CDH4: variants seen among roughly 807,000 people sequenced by gnomAD.
The protein encoded by CDH4 is cadherin-4.
CDH4 carries 33 observed loss-of-function variants against 86.0 expected under a neutral mutation model. The observed-to-expected ratio is 0.38, with a 90% CI of 0.29 to 0.51. The LOEUF (loss-of-function observed/expected upper bound fraction) is 0.51, where lower values mean the gene tolerates loss of function less well. CDH4 is among the 20% of genes least tolerant of loss of function. The pLI is 0.86. For missense variants in CDH4, 1,114 were observed against 1,307.4 expected (o/e 0.85, Z 2.28); for synonymous variants, 555 against 549.4 (o/e 1.01, Z -0.14).
chr20:61,437,987 C>G (rs1484355019), intron 2 of CDH4, among the ~76,000 whole-genome samples: 1 of 152,204 alleles, frequency 6.6e-6, no homozygotes, highest in Non-Finnish European at 1.5e-5. Context: ...TCAGCTCCAC[C>G]ACTTCAGCAG....
At chr20:61,374,996 G>A (rs1241963256) in intron 2 of CDH4, among the ~76,000 whole-genome samples, 5 of 152,112 alleles carry the variant, frequency 3.3e-5, no homozygotes, top group Non-Finnish European at 7.3e-5. Context: ...CTATAACCCG[G>A]AAGCACTTGA....
chr20:61,866,930 ACCTCCCAAAGAGGGG>A (rs1181739156), intron 6 of CDH4, among the ~76,000 whole-genome samples: 5 of 152,144 alleles, frequency 3.3e-5, no homozygotes, highest in South Asian at 2.1e-4. Context: ...ATCCTGAGCC[ACCTCCCAAAGAGGGG>A]CCTCCCAAAG....
rs1214995436 is a variant in CDH4 at position 61,565,189 on chromosome 20, C to CGGTG, written c.170-178374_170-178373insGGTG. Among the ~76,000 whole-genome samples, 25 of 31,514 alleles carry CGGTG rather than the reference C, an allele frequency of 7.9e-4. 1 individual carries two copies. The highest frequency in any genetic ancestry group is 4.7e-3 in the African/African-American group (21 of 4,454). 20.7% of individuals were successfully genotyped at this position (31,514 alleles called of 152,430 possible). The stretch of plus-strand genomic sequence containing the variant: ...GTGATGGGGTGGTGGTGGTGGTGGT[C>CGGTG]CTCTTGGTGGTGGTCGCGGTGCTCT... On this transcript the variant is annotated intron_variant, in intron 2 of 15. Coordinates refer to ENST00000614565, the MANE Select transcript of CDH4 (RefSeq NM_001794.5).
Position 61,708,765 on chromosome 20 carries a change from G to GT in CDH4, c.170-34797dup, listed in dbSNP as rs2087859733. On this transcript the variant is annotated intron_variant, in intron 2 of 15. Transcript: ENST00000614565. The surrounding 1 kb of genome is among the most constrained non-coding windows in gnomAD (Gnocchi z 4.5). ...GCCTCTGCGGAGGCCCCTTCTCTGA[G>GT]TGTGCATCATGGACGGGCATCTCCT... Among the ~76,000 whole-genome samples, 1 of 152,236 alleles carries GT rather than the reference G, an allele frequency of 6.6e-6. No homozygotes were observed. Among genetic ancestry groups the GT allele is most frequent in the Non-Finnish European group, 1.5e-5 (1 of 68,050 alleles).
intron 2 of CDH4, among the ~76,000 whole-genome samples, chr20:61,696,787 G>A (rs909371202): frequency 2.0e-4 from 30 of 152,268 alleles, no homozygotes; most frequent in African/African-American, 7.0e-4. Context: ...CCCATGAATA[G>A]GACATTACTT....
chr20:61,482,842 G>T (rs969666211), intron 2 of CDH4, among the ~76,000 whole-genome samples: 4 of 152,324 alleles, frequency 2.6e-5, no homozygotes, highest in Admixed American at 1.3e-4. Flanking sequence ...GTCCTCCACT[G>T]TATTCAGGTT....
intron 2 of CDH4, among the ~76,000 whole-genome samples, chr20:61,386,682 T>G (rs924578007): frequency 6.6e-6 from 1 of 152,242 alleles, no homozygotes; most frequent in African/African-American, 2.4e-5. Flanking sequence ...GGTGACGGTG[T>G]CTTCTCATCG....
intron 8 of CDH4, among the ~76,000 whole-genome samples, chr20:61,907,203 CAGGT>C (rs2054799380): frequency 6.6e-6 from 1 of 152,180 alleles, no homozygotes; most frequent in African/African-American, 2.4e-5. Context: ...CCCCGGGCAC[CAGGT>C]CAGCTCCTAG....
At chr20:61,397,565 G>T (rs1017714570) in intron 2 of CDH4, among the ~76,000 whole-genome samples, 1 of 151,786 alleles carries the variant, frequency 6.6e-6, no homozygotes, top group Non-Finnish European at 1.5e-5. Flanking sequence ...GCCCCATATC[G>T]CCCTTTGAAT....
chr20:61,257,011 A>G (rs2084102217), intron 2 of CDH4, among the ~76,000 whole-genome samples: 1 of 152,234 alleles, frequency 6.6e-6, no homozygotes, highest in Admixed American at 6.5e-5. Flanking sequence ...TTGAAACTAC[A>G]AGACCACAGT....
intron 4 of CDH4, among the ~76,000 whole-genome samples, chr20:61,800,037 C>T (rs896390798): frequency 2.6e-5 from 4 of 152,102 alleles, no homozygotes; most frequent in African/African-American, 9.7e-5. Context: ...GTCACCGGGC[C>T]GGCTTCCCCG....
intron 2 of CDH4, among the ~76,000 whole-genome samples, chr20:61,275,679 G>A (rs1171279027): frequency 2.9e-5 from 4 of 140,194 alleles, no homozygotes; most frequent in African/African-American, 8.1e-5. Context: ...GGGGAGTACC[G>A]TGTGCAGTTT....
chr20:61,627,898 T>C (rs918992667), intron 2 of CDH4, among the ~76,000 whole-genome samples: 2 of 152,060 alleles, frequency 1.3e-5, no homozygotes, highest in African/African-American at 4.8e-5. Flanking sequence ...GGCCCAGGAC[T>C]TGTTCTCACC....
chr20:61,713,077 G>T (rs1032361882), intron 2 of CDH4, among the ~76,000 whole-genome samples: 1 of 152,184 alleles, frequency 6.6e-6, no homozygotes, highest in African/African-American at 2.4e-5. Context: ...GCCAGTTCTG[G>T]CCCCATCTTC....
At chr20:61,443,547 C>T (rs933846636) in intron 2 of CDH4, among the ~76,000 whole-genome samples, 7 of 152,218 alleles carry the variant, frequency 4.6e-5, no homozygotes, top group Non-Finnish European at 1.0e-4. Context: ...CCTGATCACA[C>T]AGCTGTCACG....
intron 4 of CDH4, among the ~76,000 whole-genome samples, chr20:61,795,569 G>A (rs1431386959): frequency 1.3e-5 from 2 of 152,202 alleles, no homozygotes; most frequent in African/African-American, 4.8e-5. Context: ...GGGGAAGAGA[G>A]GCGTGAGCAG....
intron 2 of CDH4, among the ~76,000 whole-genome samples, chr20:61,683,461 G>A (rs1031891170): frequency 2.0e-5 from 3 of 152,162 alleles, no homozygotes; most frequent in African/African-American, 7.2e-5. Context: ...CCCGAACCGC[G>A]AGTCGTGGAG....
chr20:61,303,722 T>TAG (rs2084398172), intron 2 of CDH4, among the ~76,000 whole-genome samples: 3 of 152,132 alleles, frequency 2.0e-5, no homozygotes, highest in Admixed American at 6.5e-5. Context: ...GAGGAGGAGG[T>TAG]AGGAGCTGGG....
chr20:61,266,706 G>A (rs981186695), intron 2 of CDH4, among the ~76,000 whole-genome samples: 8 of 151,904 alleles, frequency 5.3e-5, no homozygotes, highest in African/African-American at 1.9e-4. Flanking sequence ...AAGCAGAGGG[G>A]TAAGATGTCC....
Sources: allele counts gnomAD v4.1 joint callset (sites outside exome capture counted in the v4.1 genomes callset), GRCh38; gene constraint gnomAD v4.1.1; non-coding constraint Gnocchi (gnomAD v3.1); transcripts MANE v1.5; gene names NCBI Gene and HGNC (gene_info 2026-07-23, HGNC 2026-07-21).